Variants in ERC2 observed in about 807,000 individuals in gnomAD.
The protein encoded by ERC2 is ELKS/RAB6-interacting/CAST family member 2.
In ERC2, 42 loss-of-function variants were observed where a neutral mutation model predicts 114.8. The ratio of observed to expected loss-of-function variants is 0.37; its 90% CI spans 0.29 to 0.47. The LOEUF is 0.47. Ranked by LOEUF, ERC2 falls within the 20% of genes least tolerant of loss-of-function variation. The pLI is 0.99. For missense variants in ERC2, 939 were observed against 1,150.7 expected (o/e 0.82, Z 2.66); for synonymous variants, 454 against 425.5 (o/e 1.07, Z -0.82).
At chr3:56,223,284 C>A (rs1259121152) in intron 3 of ERC2, among the ~76,000 whole-genome samples, 2 of 152,180 alleles carry the variant, frequency 1.3e-5, no homozygotes, top group African/African-American at 4.8e-5. Context: ...GATTCCTTTG[C>A]TGGAAGAGCA....
At chr3:56,381,142 C>T (rs1236925924) in intron 2 of ERC2, among the ~76,000 whole-genome samples, 7 of 152,058 alleles carry the variant, frequency 4.6e-5, no homozygotes, top group South Asian at 4.2e-4. Flanking sequence ...TTCATTATTC[C>T]GATATTGGTC....
rs2080745921 is a variant in ERC2, at chr3:56,139,825, G to A, written c.1306-149C>T. On this transcript the variant is annotated intron_variant, in intron 5 of 17. Coordinates refer to ENST00000288221, the MANE Select transcript of ERC2 (RefSeq NM_015576.3). ...GAATTTGCTTAAAAAAGATGGCCTT[G>A]GGAATCACACAGTCTTTGGGTTCTG... The A allele has an allele frequency of 3.6e-6, 3 of 839,286 alleles. No individual in the cohort carries two copies. In the Admixed American group the frequency reaches 7.8e-5, roughly 22 times the overall value. 52.0% of individuals were successfully genotyped at this position (839,286 alleles called of 1,614,324 possible).
chr3:55,682,885 T>A (rs1355463091), intron 17 of ERC2, among the ~76,000 whole-genome samples: 1 of 152,214 alleles, frequency 6.6e-6, no homozygotes, highest in Non-Finnish European at 1.5e-5. Flanking sequence ...CCAGGGAGTT[T>A]GTGACTTGGT....
intron 3 of ERC2, among the ~76,000 whole-genome samples, chr3:56,196,992 T>C (rs906526581): frequency 6.6e-6 from 1 of 152,162 alleles, no homozygotes; most frequent in African/African-American, 2.4e-5. Flanking sequence ...GCAGAGTCCG[T>C]GTTTATAAAA....
intron 8 of ERC2, among the ~76,000 whole-genome samples, chr3:56,013,850 C>T (rs1461457964): frequency 2.6e-5 from 4 of 151,982 alleles, no homozygotes; most frequent in Admixed American, 2.0e-4. Flanking sequence ...GGAAATAGGA[C>T]CCAGGAAACT....
At chr3:56,286,268 C>T (rs1380445810) in intron 3 of ERC2, among the ~76,000 whole-genome samples, 1 of 151,800 alleles carries the variant, frequency 6.6e-6, no homozygotes, top group Non-Finnish European at 1.5e-5. Context: ...ACAAAATTAG[C>T]CGGAATGTGG....
intron 17 of ERC2, among the ~76,000 whole-genome samples, chr3:55,532,817 C>T (rs560825839): frequency 3.2e-4 from 48 of 152,338 alleles, no homozygotes; most frequent in African/African-American, 1.1e-3. Context: ...TTCACTTTTA[C>T]ATTTATTCCA....
intron 1 of ERC2, among the ~76,000 whole-genome samples, chr3:56,458,769 C>A (rs1207749062): frequency 3.9e-5 from 6 of 152,014 alleles, no homozygotes; most frequent in Non-Finnish European, 8.8e-5. Flanking sequence ...AATGTTACAG[C>A]CTTAGAAGGG....
At chr3:55,997,609 A>G (rs1488898082) in intron 10 of ERC2, among the ~76,000 whole-genome samples, 4 of 149,420 alleles carry the variant, frequency 2.7e-5, no homozygotes, top group African/African-American at 9.7e-5. Context: ...TATTGTTTAG[A>G]ATGAAGAACC....
At chr3:55,671,811 G>A (rs2061571429) in intron 17 of ERC2, among the ~76,000 whole-genome samples, 1 of 152,086 alleles carries the variant, frequency 6.6e-6, no homozygotes, top group African/African-American at 2.4e-5. Flanking sequence ...AAGTCAGGCT[G>A]CAGCAAAACT....
chr3:56,240,867 G>T (rs9879781), intron 3 of ERC2, among the ~76,000 whole-genome samples: 4,867 of 152,174 alleles, frequency 0.032, 89 homozygotes, highest in Middle Eastern at 0.051. Context: ...GTGCAGGTTG[G>T]TTACGTGGAT....
At chr3:56,343,993 A>G (rs1344731528) in intron 2 of ERC2, among the ~76,000 whole-genome samples, 3 of 152,174 alleles carry the variant, frequency 2.0e-5, no homozygotes, top group South Asian at 4.1e-4. Context: ...CTTTTCCCCC[A>G]GAGAATATAC....
intron 2 of ERC2, among the ~76,000 whole-genome samples, chr3:56,367,265 T>C (rs536455055): frequency 0.036 from 4,395 of 122,956 alleles, 81 homozygotes; most frequent in South Asian, 0.085. Flanking sequence ...ATGGGCAGCA[T>C]TTTTTTTTTT....
At chr3:56,123,914 G>A (rs1055875928) in intron 6 of ERC2, among the ~76,000 whole-genome samples, 3 of 152,172 alleles carry the variant, frequency 2.0e-5, no homozygotes, top group African/African-American at 7.2e-5. Flanking sequence ...GACGCCCTAA[G>A]GACAAGGGTA....
At chr3:56,113,183 C>T (rs2079052000) in intron 6 of ERC2, among the ~76,000 whole-genome samples, 1 of 151,970 alleles carries the variant, frequency 6.6e-6, no homozygotes, top group South Asian at 2.1e-4. Context: ...CATGTATGAA[C>T]ACAATTTTTC....
chr3:56,030,324 A>C (rs1262404334), intron 7 of ERC2, among the ~76,000 whole-genome samples: 1 of 152,202 alleles, frequency 6.6e-6, no homozygotes, highest in African/African-American at 2.4e-5. Context: ...AGTTGATAGA[A>C]TTGATCAGTT....
chr3:56,272,196 C>T (rs2053698595), intron 3 of ERC2, among the ~76,000 whole-genome samples: 1 of 152,156 alleles, frequency 6.6e-6, no homozygotes, highest in Non-Finnish European at 1.5e-5. Context: ...GACCCTTCTT[C>T]GCAATTCAAA....
At chr3:55,849,076 T>G (rs1218020585) in intron 14 of ERC2, among the ~76,000 whole-genome samples, 1 of 152,204 alleles carries the variant, frequency 6.6e-6, no homozygotes, top group Non-Finnish European at 1.5e-5. Flanking sequence ...CACAGTCAAC[T>G]GTTCTCAAAA....
At chr3:55,512,640 G>C (rs2052171191) in intron 17 of ERC2, among the ~76,000 whole-genome samples, 1 of 151,546 alleles carries the variant, frequency 6.6e-6, no homozygotes, top group Admixed American at 6.6e-5. Context: ...AATAATTACA[G>C]TGAATGTCTG....
Sources: allele counts gnomAD v4.1 joint callset (sites outside exome capture counted in the v4.1 genomes callset), GRCh38; gene constraint gnomAD v4.1.1; transcripts MANE v1.5; gene names NCBI Gene and HGNC (gene_info 2026-07-23, HGNC 2026-07-21).